Variants in PNPLA1 observed in about 807,000 individuals in gnomAD.
The protein encoded by PNPLA1 is omega-hydroxyceramide transacylase.
Under a neutral mutation model 51.7 loss-of-function variants are expected in PNPLA1, and 36 were observed. The observed-to-expected ratio is 0.70, with a 90% CI of 0.53 to 0.92. The LOEUF (loss-of-function observed/expected upper bound fraction) is 0.92, where lower values mean the gene tolerates loss of function less well. Ranked by LOEUF, PNPLA1 falls within the 40% of genes least tolerant of loss-of-function variation. The pLI is 0.00. For synonymous variants in PNPLA1, 293 were observed against 280.1 expected (o/e 1.05, Z -0.46); for missense variants, 658 against 682.5 (o/e 0.96, Z 0.40).
chr6:36,292,112 G>T (rs1217245031), intron 2 of PNPLA1, among the ~76,000 whole-genome samples: 1 of 152,190 alleles, frequency 6.6e-6, no homozygotes, highest in African/African-American at 2.4e-5. Context: ...AAGGGCCGCA[G>T]GTAGGTCCCA....
At chr6:36,289,684 C>T (rs2127343136) in intron 1 of PNPLA1, among the ~76,000 whole-genome samples, 1 of 152,244 alleles carries the variant, frequency 6.6e-6, no homozygotes, top group East Asian at 1.9e-4. Context: ...CAGTCCAAGC[C>T]CCAGGGAAAG....
chr6:36,303,107 T>G (rs1329665936), intron 6 of PNPLA1, among the ~76,000 whole-genome samples: 1 of 149,580 alleles, frequency 6.7e-6, no homozygotes, highest in Non-Finnish European at 1.5e-5. Context: ...AAGAAATTTT[T>G]TTTTTTAGAT....
chr6:36,309,274 G>A lies in PNPLA1; in HGVS notation c.1595+1562G>A, dbSNP rs568155897. Among the ~76,000 whole-genome samples the A allele has an allele frequency of 2.6e-5, 4 of 152,274 alleles. No homozygotes were observed. In the East Asian group the frequency reaches 5.8e-4, roughly 22 times the overall value. On this transcript the variant is annotated intron_variant, in intron 8 of 8. Coordinates refer to ENST00000636260, the MANE Select transcript of PNPLA1 (RefSeq NM_001374623.1). Reference sequence around the variant, plus strand: ...AGGTAGGTAAGGGAGGGTGCAGGACGGCAGCTCGAGGTCCCTGGGTTCATG... The same window carrying A: ...AGGTAGGTAAGGGAGGGTGCAGGACAGCAGCTCGAGGTCCCTGGGTTCATG...
At chr6:36,245,257 C>G (rs1393729165) in intron 1 of PNPLA1, among the ~76,000 whole-genome samples, 1 of 152,168 alleles carries the variant, frequency 6.6e-6, no homozygotes, top group Non-Finnish European at 1.5e-5. Flanking sequence ...AGTCTCTGTG[C>G]CAGTGGATGG....
intron 1 of PNPLA1, among the ~76,000 whole-genome samples, chr6:36,243,442 C>A (rs1230691049): frequency 6.6e-6 from 1 of 152,092 alleles, no homozygotes; most frequent in Non-Finnish European, 1.5e-5. Context: ...GGGTGAGGGA[C>A]CTACTGCCTG....
chr6:36,311,408 G>A lies in PNPLA1; in HGVS notation c.1596-355G>A, dbSNP rs1244301687. 2.0e-5 allele frequency among the ~76,000 whole-genome samples: 3 copies of A among 152,210 alleles called. No individual in the cohort carries two copies. In the East Asian group the frequency reaches 5.8e-4, roughly 29 times the overall value. ...CTGCAGTTGCAAGGATGGAGGTAGC[G>A]GAGAGGCCTGGAAGTGAACTTGGAG... On this transcript the variant is annotated intron_variant, in intron 8 of 8. Coordinates refer to ENST00000636260, the MANE Select transcript of PNPLA1 (RefSeq NM_001374623.1).
Position 36,301,826 on chromosome 6 carries a change from G to A in PNPLA1, c.776-35G>A, listed in dbSNP as rs10947600. On this transcript the variant is annotated intron_variant, in intron 5 of 8. Coordinates refer to ENST00000636260, the MANE Select transcript of PNPLA1 (RefSeq NM_001374623.1). The stretch of plus-strand genomic sequence containing the variant: ...TTTGCAAAGGCCATGCTGCTGCCAG[G>A]GCTGAGTAACACCCCATGCTATTGT... 634,422 of 1,587,868 alleles carry A rather than the reference G, an allele frequency of 0.4. 133,490 individuals carry two copies. The highest frequency in any genetic ancestry group is 0.51 in the Admixed American group (29,626 of 58,306).
chr6:36,313,719 G>C lies in PNPLA1; in HGVS notation c.*1833G>C, dbSNP rs939656442. Reference sequence around the variant, plus strand: ...ACTGACTAGAGAGGCCCGCCCGGCCGCAGGCCTTTCTTCCAGGAGTGGCCT... The same window carrying C: ...ACTGACTAGAGAGGCCCGCCCGGCCCCAGGCCTTTCTTCCAGGAGTGGCCT... On this transcript the variant is annotated 3_prime_UTR_variant, in exon 9 of 9. Coordinates refer to ENST00000636260, the MANE Select transcript of PNPLA1 (RefSeq NM_001374623.1). Among the ~76,000 whole-genome samples, 1 of 152,226 alleles carries C rather than the reference G, an allele frequency of 6.6e-6. No individual in the cohort carries two copies.
chr6:36,253,813 A>G (rs1769473039), intron 1 of PNPLA1, among the ~76,000 whole-genome samples: 1 of 152,198 alleles, frequency 6.6e-6, no homozygotes, highest in African/African-American at 2.4e-5. Flanking sequence ...ACCTTTCAGA[A>G]TGGTTCTATC....
At chr6:36,273,064 C>T (rs12200049) in intron 1 of PNPLA1, among the ~76,000 whole-genome samples, 41,872 of 151,324 alleles carry the variant, frequency 0.28, 5,843 homozygotes, top group South Asian at 0.41. Flanking sequence ...GGCCAAATGG[C>T]GAAACCCCTT....
intron 1 of PNPLA1, among the ~76,000 whole-genome samples, chr6:36,261,481 C>G (rs146278012): frequency 2.0e-5 from 3 of 152,286 alleles, no homozygotes; most frequent in African/African-American, 7.2e-5. Context: ...ATGGGTTTAC[C>G]TACGTATTCA....
At chr6:36,285,645 C>A (rs1445187478) in intron 1 of PNPLA1, among the ~76,000 whole-genome samples, 1 of 152,112 alleles carries the variant, frequency 6.6e-6, no homozygotes, top group African/African-American at 2.4e-5. Context: ...TTATTCATGC[C>A]TGCGTGCATG....
chr6:36,254,335 G>A (rs1337780817), intron 1 of PNPLA1, among the ~76,000 whole-genome samples: 1 of 152,126 alleles, frequency 6.6e-6, no homozygotes, highest in Non-Finnish European at 1.5e-5. Flanking sequence ...AACATTTTGG[G>A]AGACTGAGGT....
intron 8 of PNPLA1, among the ~76,000 whole-genome samples, chr6:36,310,023 G>C (rs1327767526): frequency 2.0e-5 from 3 of 151,092 alleles, no homozygotes; most frequent in Non-Finnish European, 4.4e-5. Flanking sequence ...ACTAATCAGT[G>C]TTGTTTTTTA....
At position 36,247,064 on chromosome 6, in the gene PNPLA1, G is replaced by A. The variant is rs569680665; in HGVS notation, c.-81+3803G>A. The stretch of plus-strand genomic sequence containing the variant: ...GGTTTCACCATCCACTTACCAGCCC[G>A]CCGATGGTGCCCTGGCCTCCCAGTT... On this transcript the variant is annotated intron_variant, in intron 1 of 7. Transcript: ENST00000312917. Among the ~76,000 whole-genome samples, 13 of 152,112 alleles carry A rather than the reference G, an allele frequency of 8.5e-5. No homozygotes were observed. In the Middle Eastern group the frequency reaches 0.01, roughly 119 times the overall value.
chr6:36,283,560 T>C (rs1218855622), intron 1 of PNPLA1, among the ~76,000 whole-genome samples: 2 of 152,164 alleles, frequency 1.3e-5, no homozygotes, highest in Non-Finnish European at 2.9e-5. Flanking sequence ...CTCAGGAGGC[T>C]GAGGCAGGAG....
At chr6:36,301,768 T>C (rs1480306447) in intron 5 of PNPLA1, 93 bp from the exon 6 acceptor site, 3 of 1,466,942 alleles carry the variant, frequency 2.0e-6, no homozygotes, top group Middle Eastern at 1.9e-4. Context: ...AAAAGCACTG[T>C]TCCTGTTTAG....
intron 1 of PNPLA1, among the ~76,000 whole-genome samples, chr6:36,252,507 G>A (rs1341781123): frequency 6.7e-6 from 1 of 148,418 alleles, no homozygotes; most frequent in Non-Finnish European, 1.5e-5. Context: ...ACTGGGTTCA[G>A]GGGTTGGGCT....
At chr6:36,266,592 C>G (rs746506401), upstream of PNPLA1, among the ~76,000 whole-genome samples, 7 of 152,158 alleles carry the variant, frequency 4.6e-5, no homozygotes, top group Non-Finnish European at 8.8e-5. Flanking sequence ...TCACCGTGAG[C>G]TCATGATTCA....
Sources: gnomAD v4.1 joint callset for allele counts (sites outside exome capture counted in the v4.1 genomes callset) on GRCh38, gnomAD v4.1.1 for gene constraint, MANE v1.5 for transcripts, NCBI Gene and HGNC (gene_info 2026-07-23, HGNC 2026-07-21) for gene names.